The following OR7A10 variants were observed in gnomAD, a reference collection of about 807,000 sequenced individuals.
The protein encoded by OR7A10 is olfactory receptor 7A10.
For synonymous variants in OR7A10, 144 were observed against 144.5 expected (o/e 1.00, Z 0.02); for missense variants, 358 against 370.1 (o/e 0.97, Z 0.27).
chr19:14,845,274 A>G (rs1485201191), intron 1 of OR7A10, among the ~76,000 whole-genome samples: 1 of 151,926 alleles, frequency 6.6e-6, no homozygotes, highest in Non-Finnish European at 1.5e-5. Context: ...CAGGAGTTTG[A>G]GACTAGCCTG....
At position 14,841,771 on chromosome 19, in the gene OR7A10, A is replaced by G. The variant is rs28540032; in HGVS notation, c.107T>C (p.Leu36Pro). 9,975 of 1,614,106 alleles carry G rather than the reference A, an allele frequency of 6.2e-3. 328 individuals carry two copies. The African/African-American group carries it at 0.084, about 14-fold the overall frequency. The change falls in exon 2 of 2, where the codon CTG becomes CCG. Residue 36 changes from leucine to proline, a missense_variant. Leu to Pro is a moderately conservative substitution (Grantham distance 98). Coordinates refer to ENST00000641129, the MANE Select transcript of OR7A10 (RefSeq NM_001005190.2). Reference sequence around the variant, plus strand: ...GAGCAGGTTCCCGAGCACAGTGACCAGGTACATGGACAGGAACAGCCCAAA... The same window carrying G: ...GAGCAGGTTCCCGAGCACAGTGACCGGGTACATGGACAGGAACAGCCCAAA... Reference protein sequence around the residue: ...FLFGLFLSMYLVTVLGNLLII... With the variant: ...FLFGLFLSMYPVTVLGNLLII...
At chr19:14,843,666 G>T (rs1364867362) in intron 1 of OR7A10, among the ~76,000 whole-genome samples, 1 of 152,182 alleles carries the variant, frequency 6.6e-6, no homozygotes, top group African/African-American at 2.4e-5. Flanking sequence ...TTCTCTGAGG[G>T]CATCTACTCT....
chr19:14,847,930 C>T (rs2044950928), intron 1 of OR7A10, among the ~76,000 whole-genome samples: 1 of 151,354 alleles, frequency 6.6e-6, no homozygotes, highest in African/African-American at 2.4e-5. Context: ...TGAGACCATC[C>T]TGGCCAACAT....
At position 14,841,312 on chromosome 19, in the gene OR7A10, C is replaced by G. The variant is rs2044910593; in HGVS notation, c.566G>C (p.Cys189Ser). The G allele has an allele frequency of 6.2e-7, 1 of 1,614,076 alleles. No individual in the cohort carries two copies. The highest frequency in any genetic ancestry group is 1.3e-5 in the African/African-American group (1 of 74,932). The stretch of plus-strand genomic sequence containing the variant: ...TATGTCATTAAGAAAGGTGTCAGAA[C>G]AGGCAAGGTGGACCACCTGATTAAT... ...CEINQVVHLA[C>S]SDTFLNDIVM... Residue 189 changes from cysteine to serine, a missense_variant, in exon 2 of 2, where the codon TGT (cysteine) becomes TCT (serine). Coordinates refer to ENST00000641129, the MANE Select transcript of OR7A10 (RefSeq NM_001005190.2).
In OR7A10 at chr19:14,844,664, G is replaced by GTTTTTTTTTTTGTT. The variant is rs1555697161; in HGVS notation, c.-12-2776_-12-2775insAACAAAAAAAAAAA. Among the ~76,000 whole-genome samples, 22 of 97,666 alleles carry GTTTTTTTTTTTGTT rather than the reference G, an allele frequency of 2.3e-4. 1 individual carries two copies. The highest frequency in any genetic ancestry group is 8.7e-4 in the African/African-American group (22 of 25,328). The allele number at this position is 97,666 out of a possible 152,430, so 64.1% of individuals were successfully genotyped here. Reference sequence around the variant, plus strand: ...TTTTCACTGTTGCCTTGAGTTCTGTGTTTTTTTTTTTTTTTTGAGATGGAG... The same window carrying GTTTTTTTTTTTGTT: ...TTTTCACTGTTGCCTTGAGTTCTGTGTTTTTTTTTTTGTTTTTTTTTTTTTTTTTTGAGATGGAG... On this transcript the variant is annotated intron_variant, in intron 1 of 1. Transcript: ENST00000641129.
Position 14,840,883 on chromosome 19 carries a change from T to A in OR7A10, c.*65A>T. 2 of 1,167,064 alleles carry A rather than the reference T, an allele frequency of 1.7e-6. No homozygotes were observed. The highest frequency in any genetic ancestry group is 1.2e-6 in the Non-Finnish European group (1 of 816,440). 72.3% of individuals were successfully genotyped at this position (1,167,064 alleles called of 1,614,324 possible). ...TTCCTTCCACCATCTTATTAACAAATCACCATTTCTGGCTCTGGGGCTTAG... is the reference window on the plus strand; with the variant it reads ...TTCCTTCCACCATCTTATTAACAAAACACCATTTCTGGCTCTGGGGCTTAG... On this transcript the variant is annotated 3_prime_UTR_variant, in exon 2 of 2. Coordinates refer to ENST00000641129, the MANE Select transcript of OR7A10 (RefSeq NM_001005190.2).
rs2044932342 is a variant in OR7A10, at chr19:14,844,668, T to TTTTTTTTTTTTTTTG, written c.-12-2780_-12-2779insCAAAAAAAAAAAAAA. 3.0e-5 allele frequency among the ~76,000 whole-genome samples: 4 copies of TTTTTTTTTTTTTTTG among 133,732 alleles called. No homozygotes were observed. In the South Asian group the frequency reaches 1.1e-3, roughly 36 times the overall value. The allele number at this position is 133,732 out of a possible 152,430, so 87.7% of individuals were successfully genotyped here. ...CACTGTTGCCTTGAGTTCTGTGTTTTTTTTTTTTTTTTGAGATGGAGTCTC... is the reference window on the plus strand; with the variant it reads ...CACTGTTGCCTTGAGTTCTGTGTTTTTTTTTTTTTTTTTTGTTTTTTTTTTTTGAGATGGAGTCTC... On this transcript the variant is annotated intron_variant, in intron 1 of 1. Transcript: ENST00000641129.
Position 14,840,853 on chromosome 19 carries a change from AAGTC to A in OR7A10, c.*91_*94del. Reference sequence around the variant, plus strand: ...ACTCCAGGAAATAAATGGAAGGGGCAAGTCTTCCTTCCACCATCTTATTAACAAA... The same window carrying A: ...ACTCCAGGAAATAAATGGAAGGGGCATTCCTTCCACCATCTTATTAACAAA... On this transcript the variant is annotated 3_prime_UTR_variant, in exon 2 of 2. Transcript: ENST00000641129. 1 of 837,310 alleles carries A rather than the reference AAGTC, an allele frequency of 1.2e-6. No individual in the cohort carries two copies. The highest frequency in any genetic ancestry group is 1.7e-5 in the African/African-American group (1 of 58,694). 51.9% of individuals were successfully genotyped at this position (837,310 alleles called of 1,614,324 possible).
In OR7A10 at chr19:14,841,610, T is replaced by G. The variant is rs1368201627; in HGVS notation, c.268A>C (p.Lys90Gln). Residue 90 changes from lysine (K) to glutamine (Q), a missense_variant, in exon 2 of 2, where the codon AAA (lysine) becomes CAA (glutamine). Coordinates refer to ENST00000641129, the MANE Select transcript of OR7A10 (RefSeq NM_001005190.2). The stretch of plus-strand genomic sequence containing the variant: ...ATGCAGCCTGCATAGGTGATGACTT[T>G]GTTGTGTGTCTGGATGTTCACCAGC... ...KMLVNIQTHNKVITYAGCITQ... is the reference protein window; with the variant it reads ...KMLVNIQTHNQVITYAGCITQ... 3 of 1,614,028 alleles carry G rather than the reference T, an allele frequency of 1.9e-6. No individual in the cohort carries two copies. In the African/African-American group the frequency reaches 4.0e-5, roughly 22 times the overall value.
chr19:14,841,215 TA>T lies in OR7A10; in HGVS notation c.662del (p.Ile221LysfsTer36), dbSNP rs1425178877. The T allele has an allele frequency of 1.9e-6, 3 of 1,614,150 alleles. No individual in the cohort carries two copies. The South Asian group carries it at 3.3e-5, about 18-fold the overall frequency. On this transcript the variant is annotated frameshift_variant, in exon 2 of 2. Coordinates refer to ENST00000641129, the MANE Select transcript of OR7A10 (RefSeq NM_001005190.2). LOFTEE classifies it low-confidence loss of function (END_TRUNC). ...LTGILYSYSK[I>X]VSSIRAISSA... ...ATGAGATTGCACGTATGGAGGAAAC[TA>T]TCTTAGAGTAAGAGTACAGGATCCC...
intron 1 of OR7A10, among the ~76,000 whole-genome samples, chr19:14,846,709 C>CA (rs60087409): frequency 0.016 from 993 of 64,004 alleles, 54 homozygotes; most frequent in South Asian, 0.11. Context: ...GACTCCATCT[C>CA]AAAAAAAAAA....
chr19:14,840,925 G>A lies in OR7A10; in HGVS notation c.*23C>T, dbSNP rs1028703652. 4 of 1,541,482 alleles carry A rather than the reference G, an allele frequency of 2.6e-6. No homozygotes were observed. In the African/African-American group the frequency reaches 4.1e-5, roughly 16 times the overall value. ...GGGGCTTAGAGCTCTGAAGTCACAG[G>A]CCTTTCTTGAAAAATAGCCTTTCTA... On this transcript the variant is annotated 3_prime_UTR_variant, in exon 2 of 2. Coordinates refer to ENST00000641129, the MANE Select transcript of OR7A10 (RefSeq NM_001005190.2).
At chr19:14,848,450 C>G (rs151008269) in intron 1 of OR7A10, 50 bp downstream of exon 1, 62 of 152,330 alleles carry the variant, frequency 4.1e-4, no homozygotes, top group African/African-American at 1.5e-3. Flanking sequence ...GGTCTATGTT[C>G]ACAACTTGCA....
At chr19:14,844,336 G>A (rs2044929889) in intron 1 of OR7A10, among the ~76,000 whole-genome samples, 1 of 152,194 alleles carries the variant, frequency 6.6e-6, no homozygotes, top group South Asian at 2.1e-4. Context: ...ACAGAAGACA[G>A]GGTCAGAGTG....
rs1212141571 is a variant in OR7A10 at position 14,845,705 on chromosome 19, A to T, written c.-13+2795T>A. 3.3e-5 allele frequency among the ~76,000 whole-genome samples: 5 copies of T among 152,176 alleles called. No individual in the cohort carries two copies. The East Asian group carries it at 7.7e-4, about 23-fold the overall frequency. On this transcript the variant is annotated intron_variant, in intron 1 of 1. Coordinates refer to ENST00000641129, the MANE Select transcript of OR7A10 (RefSeq NM_001005190.2). ...CTGGATACAGCTATAAATACTAAAAATACAGATATTCATTCACTCGTTTTC... is the reference window on the plus strand; with the variant it reads ...CTGGATACAGCTATAAATACTAAAATTACAGATATTCATTCACTCGTTTTC...
At chr19:14,848,209 G>A (rs2044952558) in intron 1 of OR7A10, among the ~76,000 whole-genome samples, 1 of 151,920 alleles carries the variant, frequency 6.6e-6, no homozygotes, top group African/African-American at 2.4e-5. Context: ...GTGATGCTTG[G>A]GCAGATGTTC....
Position 14,840,910 on chromosome 19 carries a change from G to C in OR7A10, c.*38C>G, listed in dbSNP as rs1003888425. On this transcript the variant is annotated 3_prime_UTR_variant, in exon 2 of 2. Coordinates refer to ENST00000641129, the MANE Select transcript of OR7A10 (RefSeq NM_001005190.2). ...ACCATTTCTGGCTCTGGGGCTTAGA[G>C]CTCTGAAGTCACAGGCCTTTCTTGA... The C allele has an allele frequency of 6.9e-7, 1 of 1,441,248 alleles. No homozygotes were observed. The highest frequency in any genetic ancestry group is 1.3e-5 in the South Asian group (1 of 78,068). The allele number at this position is 1,441,248 out of a possible 1,614,324, so 89.3% of individuals were successfully genotyped here.
chr19:14,848,671 C>G lies in OR7A10; in HGVS notation c.-184G>C, dbSNP rs999468026. 4 of 152,138 alleles carry G rather than the reference C, an allele frequency of 2.6e-5. No homozygotes were observed. The highest frequency in any genetic ancestry group is 5.9e-5 in the Non-Finnish European group (4 of 68,056). The allele number at this position is 152,138 out of a possible 1,614,324, so 9.4% of individuals were successfully genotyped here. On this transcript the variant is annotated 5_prime_UTR_variant, in exon 1 of 2. Transcript: ENST00000641129. ...TCCGAAAGAAACAAGGATGTCCCAT[C>G]CAGCCCAAGGTTGCATATGCTGAGG...
At position 14,841,785 on chromosome 19, in the gene OR7A10, G is replaced by C. The variant is rs1218303960; in HGVS notation, c.93C>G (p.Phe31Leu). The C allele has an allele frequency of 6.2e-7, 1 of 1,614,000 alleles. No homozygotes were observed. Among genetic ancestry groups the C allele is most frequent in the East Asian group, 2.2e-5 (1 of 44,872 alleles). ...PELQAFLFGL[F>L]LSMYLVTVLG... is the part of the protein sequence containing the mutation. ...GCACAGTGACCAGGTACATGGACAG[G>C]AACAGCCCAAAGAGGAAGGCCTGCA... The change falls in exon 2 of 2, where the codon TTC (phenylalanine) becomes TTG (leucine). Residue 31 changes from phenylalanine to leucine, a missense_variant. Transcript: ENST00000641129.
Sources: allele counts gnomAD v4.1 joint callset (sites outside exome capture counted in the v4.1 genomes callset), GRCh38; gene constraint gnomAD v4.1.1; transcripts MANE v1.5; gene names NCBI Gene and HGNC (gene_info 2026-07-23, HGNC 2026-07-21).